The following TMEM8B variants were observed in gnomAD, a reference collection of about 807,000 sequenced individuals.
The protein encoded by TMEM8B is transmembrane protein 8B.
TMEM8B carries 29 observed loss-of-function variants against 49.3 expected under a neutral mutation model. The observed-to-expected ratio is 0.59, with a 90% CI of 0.44 to 0.80. TMEM8B has a LOEUF of 0.80. Among genes scored for constraint, TMEM8B ranks in the 30% least tolerant of loss-of-function variants. TMEM8B has a pLI of 0.00. For synonymous variants in TMEM8B, 264 were observed against 272.8 expected (o/e 0.97, Z 0.32); for missense variants, 575 against 658.5 (o/e 0.87, Z 1.39).
At chr9:35,840,057 G>A (rs2132282332) in intron 3 of TMEM8B, among the ~76,000 whole-genome samples, 1 of 152,274 alleles carries the variant, frequency 6.6e-6, no homozygotes, top group Non-Finnish European at 1.5e-5. Context: ...CTAATTAGGA[G>A]CCCCCACCTC....
intron 10 of TMEM8B, among the ~76,000 whole-genome samples, chr9:35,851,824 A>G (rs373595210): frequency 1.3e-5 from 2 of 152,196 alleles, no homozygotes; most frequent in African/African-American, 2.4e-5. Context: ...TGTCTGTTGA[A>G]GTTGTAATTT....
rs112747179 is a variant in TMEM8B, at chr9:35,854,653, G to GGT, written c.*834_*835dup. On this transcript the variant is annotated 3_prime_UTR_variant, in exon 13 of 13. Transcript: ENST00000643932. ...TGAGCCCGATTTGCAGTATCTGAGG[G>GGT]GTGTGTGTGTGTGTGTGTGTGTTTA... is the stretch of plus-strand genomic sequence containing the variant. 0.27 allele frequency: 40,295 copies of GGT among 150,032 alleles called. 5,574 individuals carry two copies. The highest frequency in any genetic ancestry group is 0.31 in the Non-Finnish European group (21,189 of 67,438). 9.3% of individuals were successfully genotyped at this position (150,032 alleles called of 1,614,324 possible). A position where few individuals can be genotyped will look rare whatever the true frequency, so the allele number is the denominator to read the frequency against.
intron 6 of TMEM8B, 120 bp from the exon 7 acceptor site, chr9:35,845,855 A>G: frequency 6.3e-7 from 1 of 1,578,048 alleles, no homozygotes; most frequent in Non-Finnish European, 8.6e-7. Flanking sequence ...TGGCGTGGAG[A>G]GCGCCGGGAG....
intron 10 of TMEM8B, among the ~76,000 whole-genome samples, chr9:35,849,970 G>A (rs886558142): frequency 6.6e-6 from 1 of 152,220 alleles, no homozygotes; most frequent in Admixed American, 6.5e-5. Context: ...AGGTGTCCTT[G>A]CTGATTGCTG....
chr9:35,850,170 G>A (rs1478172517), intron 10 of TMEM8B, among the ~76,000 whole-genome samples: 2 of 152,254 alleles, frequency 1.3e-5, no homozygotes, highest in African/African-American at 4.8e-5. Flanking sequence ...CTACGTTTGC[G>A]TTTATAGTCC....
chr9:35,846,398 G>T lies in TMEM8B; in HGVS notation c.1853+17G>T. ...GGGGCCTCGGTGAGCGGTGCGGGGC[G>T]GGGCCAGGGCTGGGACCGGGACTTG... On this transcript the variant is annotated intron_variant, in intron 8 of 12. Transcript: ENST00000643932. 1 of 1,607,858 alleles carries T rather than the reference G, an allele frequency of 6.2e-7. No individual in the cohort carries two copies. Among genetic ancestry groups the T allele is most frequent in the Admixed American group, 1.7e-5 (1 of 59,744 alleles).
intron 1 of TMEM8B, among the ~76,000 whole-genome samples, chr9:35,831,924 G>A (rs1829942523): frequency 6.6e-6 from 1 of 152,156 alleles, no homozygotes; most frequent in South Asian, 2.1e-4. Context: ...TCTGAGGAGA[G>A]GCTGGCAGTG....
chr9:35,831,966 G>A (rs2132206809), intron 1 of TMEM8B, among the ~76,000 whole-genome samples: 1 of 152,316 alleles, frequency 6.6e-6, no homozygotes, highest in Non-Finnish European at 1.5e-5. Context: ...GGGCTGCACA[G>A]TGCTTATTGG....
At chr9:35,846,230 C>G (rs910885731) in intron 7 of TMEM8B, 28 bp from the exon 8 acceptor site, 3 of 1,613,530 alleles carry the variant, frequency 1.9e-6, no homozygotes, top group Admixed American at 3.3e-5. Flanking sequence ...CCTCCTCCCT[C>G]TCACTGACTC....
chr9:35,846,351 C>T lies in TMEM8B; in HGVS notation c.1823C>T (p.Ala608Val). Residue 608 changes from alanine to valine, a missense_variant, in exon 8 of 13, where the codon GCC becomes GTC. Transcript: ENST00000643932. The part of the protein sequence containing the change: ...PFPQTGTWFL[A>V]LRSLCGVGPR... Reference sequence around the variant, plus strand: ...CCGCAGACGGGGACCTGGTTCCTGGCCCTCCGCTCCCTGTGCGGGGTGGGG... The same window carrying T: ...CCGCAGACGGGGACCTGGTTCCTGGTCCTCCGCTCCCTGTGCGGGGTGGGG... 1 of 1,613,906 alleles carries T rather than the reference C, an allele frequency of 6.2e-7. No homozygotes were observed. Among genetic ancestry groups the T allele is most frequent in the South Asian group, 1.1e-5 (1 of 91,074 alleles).
rs1007786928 is a variant in TMEM8B, at chr9:35,861,089, C to T, written c.*7249C>T. 1 of 152,294 alleles carries T rather than the reference C, an allele frequency of 6.6e-6. No individual in the cohort carries two copies. The highest frequency in any genetic ancestry group is 1.5e-5 in the Non-Finnish European group (1 of 68,088). The allele number at this position is 152,294 out of a possible 1,614,324, so 9.4% of individuals were successfully genotyped here. ...AGGAGCTGAGTGTGAACTTTTATCACTCAGAAGATATAATCCACCTCTCCC... is the reference window on the plus strand; with the variant it reads ...AGGAGCTGAGTGTGAACTTTTATCATTCAGAAGATATAATCCACCTCTCCC... On this transcript the variant is annotated 3_prime_UTR_variant, in exon 13 of 13. Transcript: ENST00000643932.
chr9:35,842,535 G>A lies in TMEM8B; in HGVS notation c.1453G>A (p.Glu485Lys), dbSNP rs372999901. ...GGGGCCTGGGACCACGTCCCCACCCGAGCACTGCTGGCCAGTGCGCCCGAC... is the reference window on the plus strand; with the variant it reads ...GGGGCCTGGGACCACGTCCCCACCCAAGCACTGCTGGCCAGTGCGCCCGAC... ...AEGPGTTSPP[E>K]HCWPVRPTLR... The change falls in exon 6 of 13, where the codon GAG (glutamate) becomes AAG (lysine). Residue 485 changes from glutamate (E) to lysine (K), a missense_variant. Glu to Lys is a moderately conservative substitution (Grantham distance 56). Coordinates refer to ENST00000643932, the MANE Select transcript of TMEM8B (RefSeq NM_001042590.4). The surrounding 1 kb of genome is among the most constrained non-coding windows in gnomAD (Gnocchi z 5.6). 2.7e-5 allele frequency: 43 copies of A among 1,613,890 alleles called. No homozygotes were observed. Among genetic ancestry groups the A allele is most frequent in the Middle Eastern group, 1.6e-4 (1 of 6,084 alleles).
rs1219116852 is a variant in TMEM8B, at chr9:35,841,355, C to A, written c.1040+88C>A. Reference sequence around the variant, plus strand: ...GGTTCTCTCTTGGCTTCTCCACCTACCTGCCTGGTCCCTGGGTGGGATCCC... The same window carrying A: ...GGTTCTCTCTTGGCTTCTCCACCTAACTGCCTGGTCCCTGGGTGGGATCCC... On this transcript the variant is annotated intron_variant, in intron 4 of 12. Coordinates refer to ENST00000643932, the MANE Select transcript of TMEM8B (RefSeq NM_001042590.4). The surrounding 1 kb of genome is among the most constrained non-coding windows in gnomAD (Gnocchi z 5.9). 7.2e-6 allele frequency: 3 copies of A among 415,064 alleles called. No homozygotes were observed. Among genetic ancestry groups the A allele is most frequent in the Non-Finnish European group, 1.3e-5 (3 of 227,180 alleles). The allele number at this position is 415,064 out of a possible 1,614,324, so 25.7% of individuals were successfully genotyped here.
Position 35,842,294 on chromosome 9 carries a change from C to G in TMEM8B, c.1310-98C>G, listed in dbSNP as rs11998819. ...TCGCATTCTAGTTCTCATCCTTCCC[C>G]ACTCTTTGCGAAATCCTGTCTAGCT... On this transcript the variant is annotated intron_variant, in intron 5 of 12. Coordinates refer to ENST00000643932, the MANE Select transcript of TMEM8B (RefSeq NM_001042590.4). The surrounding 1 kb of genome is among the most constrained non-coding windows in gnomAD (Gnocchi z 5.6). The G allele has an allele frequency of 2.1e-6, 2 of 930,844 alleles. No individual in the cohort carries two copies. The highest frequency in any genetic ancestry group is 3.3e-5 in the Admixed American group (1 of 30,614). 57.7% of individuals were successfully genotyped at this position (930,844 alleles called of 1,614,324 possible).
chr9:35,833,395 C>A (rs1008385581), intron 1 of TMEM8B: 12 of 984,658 alleles, frequency 1.2e-5, no homozygotes, highest in African/African-American at 1.7e-5. Context: ...AGTCAGATTC[C>A]CTAGAGGTTT....
At position 35,846,347 on chromosome 9, in the gene TMEM8B, CTG is replaced by C; in HGVS notation, c.1820_1821del (p.Leu607ArgfsTer124). The part of the protein sequence containing the change: ...IPFPQTGTWF[L>X]ALRSLCGVGP... The stretch of plus-strand genomic sequence containing the variant: ...ATTCCCGCAGACGGGGACCTGGTTC[CTG>C]GCCCTCCGCTCCCTGTGCGGGGTGG... On this transcript the variant is annotated frameshift_variant, in exon 8 of 13. Transcript: ENST00000643932. LOFTEE classifies it high-confidence loss of function. 6.2e-7 allele frequency: 1 copy of C among 1,614,074 alleles called. No individual in the cohort carries two copies. Among genetic ancestry groups the C allele is most frequent in the Non-Finnish European group, 8.5e-7 (1 of 1,180,028 alleles).
intron 1 of TMEM8B, among the ~76,000 whole-genome samples, chr9:35,834,029 A>AACACACACAC (rs1554679960): frequency 1.5e-5 from 1 of 67,762 alleles, no homozygotes; most frequent in Non-Finnish European, 3.2e-5. Context: ...GCCATGCCAA[A>AACACACACAC]ATACACACAC....
chr9:35,861,100 T>C lies in TMEM8B; in HGVS notation c.*7260T>C, dbSNP rs1482116784. On this transcript the variant is annotated 3_prime_UTR_variant, in exon 13 of 13. Coordinates refer to ENST00000643932, the MANE Select transcript of TMEM8B (RefSeq NM_001042590.4). ...GTGAACTTTTATCACTCAGAAGATA[T>C]AATCCACCTCTCCCCTCCTGCCCTT... is the stretch of plus-strand genomic sequence containing the variant. 2 of 152,252 alleles carry C rather than the reference T, an allele frequency of 1.3e-5. No homozygotes were observed. Among genetic ancestry groups the C allele is most frequent in the African/African-American group, 4.8e-5 (2 of 41,456 alleles). The allele number at this position is 152,252 out of a possible 1,614,324, so 9.4% of individuals were successfully genotyped here. A position where few individuals can be genotyped will look rare whatever the true frequency, so the allele number is the denominator to read the frequency against.
chr9:35,844,744 G>A lies in TMEM8B; in HGVS notation c.1636-1231G>A, dbSNP rs576399604. On this transcript the variant is annotated intron_variant, in intron 6 of 12. Coordinates refer to ENST00000643932, the MANE Select transcript of TMEM8B (RefSeq NM_001042590.4). ...TGTTCTTTCTTCCTCAGTACCCTGA[G>A]AATAGAAGCCTAGCCCTCCTGCAGC... Among the ~76,000 whole-genome samples, 214 of 152,322 alleles carry A rather than the reference G, an allele frequency of 1.4e-3. 4 individuals are homozygous for A. Among genetic ancestry groups the A allele is most frequent in the African/African-American group, 5.0e-3 (207 of 41,562 alleles).
Sources: gnomAD v4.1 joint callset for allele counts (sites outside exome capture counted in the v4.1 genomes callset) on GRCh38, gnomAD v4.1.1 for gene constraint, Gnocchi (gnomAD v3.1) non-coding constraint, MANE v1.5 for transcripts, NCBI Gene and HGNC (gene_info 2026-07-23, HGNC 2026-07-21) for gene names.